ROBO2: variants seen among roughly 807,000 people sequenced by gnomAD.
ROBO2 encodes the protein roundabout guidance receptor 2, also known as roundabout homolog 2.
In ROBO2, 53 loss-of-function variants were observed where a neutral mutation model predicts 160.8. That is an observed-to-expected ratio of 0.33 (90% CI 0.26 to 0.41). The LOEUF is 0.41. ROBO2 is among the 10% of genes least tolerant of loss of function. The pLI, the probability that ROBO2 is intolerant of heterozygous loss-of-function variation, is 1.00. For missense variants in ROBO2, 1,577 were observed against 1,722.4 expected (o/e 0.92, Z 1.49); for synonymous variants, 664 against 611.7 (o/e 1.09, Z -1.26).
intron 23 of ROBO2, among the ~76,000 whole-genome samples, chr3:77,628,588 C>A (rs1396888902): frequency 5.3e-5 from 8 of 152,042 alleles, no homozygotes; most frequent in Non-Finnish European, 1.0e-4. Context: ...AGAAGGAATT[C>A]TAACATCTTA....
At chr3:77,073,754 A>C (rs1325894848) in intron 1 of ROBO2, among the ~76,000 whole-genome samples, 2 of 152,128 alleles carry the variant, frequency 1.3e-5, no homozygotes, top group African/African-American at 4.8e-5. Flanking sequence ...AAGTTGTCTT[A>C]TTTAATGTTT....
At chr3:77,131,212 T>C (rs910095641) in intron 2 of ROBO2, among the ~76,000 whole-genome samples, 1 of 152,138 alleles carries the variant, frequency 6.6e-6, no homozygotes, top group African/African-American at 2.4e-5. Flanking sequence ...CCTCCACACA[T>C]ACACACAAAC....
intron 5 of ROBO2, among the ~76,000 whole-genome samples, chr3:77,509,243 G>A (rs542362907): frequency 1.3e-5 from 2 of 152,156 alleles, no homozygotes; most frequent in East Asian, 3.9e-4. Context: ...GGGAAGGTAG[G>A]AAGGAGGGTA....
At chr3:77,390,381 C>T (rs1393347552) in intron 2 of ROBO2, among the ~76,000 whole-genome samples, 2 of 152,132 alleles carry the variant, frequency 1.3e-5, no homozygotes, top group African/African-American at 2.4e-5. Context: ...CCACAATTCC[C>T]ACGTGTCATG....
intron 2 of ROBO2, among the ~76,000 whole-genome samples, chr3:76,081,091 T>G (rs2108026801): frequency 6.6e-6 from 1 of 152,186 alleles, no homozygotes. Flanking sequence ...TCAAGTTACT[T>G]TGAGGGAAAA....
intron 2 of ROBO2, among the ~76,000 whole-genome samples, chr3:75,985,065 T>C (rs1040917977): frequency 1.3e-5 from 2 of 151,478 alleles, no homozygotes; most frequent in African/African-American, 4.8e-5. Context: ...TTTAGATTTA[T>C]CTAAATGGAA....
At chr3:76,241,041 C>G (rs757005783) in intron 2 of ROBO2, among the ~76,000 whole-genome samples, 3 of 152,124 alleles carry the variant, frequency 2.0e-5, no homozygotes, top group Non-Finnish European at 2.9e-5. Context: ...CTCATCCAAA[C>G]AGTTTTGGTT....
chr3:77,268,482 T>C (rs2059279473), intron 2 of ROBO2, among the ~76,000 whole-genome samples: 1 of 152,188 alleles, frequency 6.6e-6, no homozygotes, highest in African/African-American at 2.4e-5. Context: ...GTCTGAGTCC[T>C]AAATGCCACC....
At chr3:75,942,792 A>AC (rs1948114938) in intron 2 of ROBO2, among the ~76,000 whole-genome samples, 1 of 152,170 alleles carries the variant, frequency 6.6e-6, no homozygotes, top group Admixed American at 6.6e-5. Context: ...TACTTTAAAG[A>AC]CAGTATACTT....
intron 2 of ROBO2, among the ~76,000 whole-genome samples, chr3:76,861,795 A>C (rs984560871): frequency 5.3e-5 from 8 of 152,124 alleles, no homozygotes; most frequent in South Asian, 4.2e-4. Flanking sequence ...GTGACTTCCC[A>C]TTCAGTAATC....
chr3:76,919,141 T>C (rs2076510005), intron 2 of ROBO2, among the ~76,000 whole-genome samples: 1 of 152,148 alleles, frequency 6.6e-6, no homozygotes, highest in Non-Finnish European at 1.5e-5. Flanking sequence ...GGCACACATT[T>C]ACCTGTGTAA....
chr3:76,393,934 G>T (rs970048690), intron 2 of ROBO2, among the ~76,000 whole-genome samples: 13 of 152,262 alleles, frequency 8.5e-5, no homozygotes, highest in African/African-American at 3.1e-4. Context: ...TGGATGAGGG[G>T]TGTAGAGGGA....
chr3:76,761,164 A>G, intron 2 of ROBO2, among the ~76,000 whole-genome samples: 1 of 151,802 alleles, frequency 6.6e-6, no homozygotes, highest in East Asian at 1.9e-4. Flanking sequence ...TTAAACACAA[A>G]TAGCAGTGGA....
At chr3:76,806,448 G>A (rs1472765128) in intron 2 of ROBO2, among the ~76,000 whole-genome samples, 2 of 151,750 alleles carry the variant, frequency 1.3e-5, no homozygotes, top group Non-Finnish European at 2.9e-5. Context: ...AAATATTTTA[G>A]CAAACTCATT....
chr3:76,884,720 G>T (rs1342341323), intron 2 of ROBO2, among the ~76,000 whole-genome samples: 1 of 152,096 alleles, frequency 6.6e-6, no homozygotes, highest in African/African-American at 2.4e-5. Context: ...TTTCCTATTA[G>T]ATTATATTTT....
At chr3:76,416,792 T>C (rs759069116) in intron 2 of ROBO2, among the ~76,000 whole-genome samples, 1 of 152,174 alleles carries the variant, frequency 6.6e-6, no homozygotes, top group African/African-American at 2.4e-5. Flanking sequence ...GTCAACTTTC[T>C]TTCTTGCCTC....
rs552636299 is a variant in ROBO2, at chr3:75,999,341, G to A, written c.109+61739G>A. ...CTCTACAAGTCCAAGGGTTAATCAA[G>A]GAACATTAAATGTCCCCCAAATAAT... On this transcript the variant is annotated intron_variant, in intron 2 of 26. Coordinates refer to the ROBO2 transcript ENST00000487694. 1.4e-4 allele frequency among the ~76,000 whole-genome samples: 21 copies of A among 152,080 alleles called. 1 individual carries two copies. In the East Asian group the frequency reaches 3.9e-3, roughly 28 times the overall value.
chr3:77,289,714 G>T (rs1327002472), intron 2 of ROBO2, among the ~76,000 whole-genome samples: 1 of 151,698 alleles, frequency 6.6e-6, no homozygotes, highest in African/African-American at 2.4e-5. Context: ...AAGTAAAATT[G>T]ACGGTTAAAC....
intron 1 of ROBO2, among the ~76,000 whole-genome samples, chr3:77,064,224 G>A (rs1578653743): frequency 1.3e-5 from 2 of 152,016 alleles, no homozygotes; most frequent in African/African-American, 4.8e-5. Flanking sequence ...AGAAAGAAAA[G>A]TAAGGTGTAA....
Sources: gnomAD v4.1 joint callset for allele counts (sites outside exome capture counted in the v4.1 genomes callset) on GRCh38, gnomAD v4.1.1 for gene constraint, MANE v1.5 for transcripts, NCBI Gene and HGNC (gene_info 2026-07-23, HGNC 2026-07-21) for gene names.